The following MALRD1 variants were observed in gnomAD, a reference collection of about 807,000 sequenced individuals.
The protein encoded by MALRD1 is MAM and LDL receptor class A domain containing 1.
Under a neutral mutation model 242.1 loss-of-function variants are expected in MALRD1, and 247 were observed. That is an observed-to-expected ratio of 1.02 (90% CI 0.92 to 1.13). The LOEUF (loss-of-function observed/expected upper bound fraction) is 1.13. MALRD1 is among the 50% of genes most tolerant of loss of function. The pLI, the probability that MALRD1 is intolerant of heterozygous loss-of-function variation, is 0.00. For missense variants in MALRD1, 2,989 were observed against 2,533.1 expected (o/e 1.18, Z -3.86); for synonymous variants, 995 against 866.6 (o/e 1.15, Z -2.60).
intron 5 of MALRD1, among the ~76,000 whole-genome samples, chr10:19,105,093 T>C (rs921236115): frequency 6.6e-6 from 1 of 152,052 alleles, no homozygotes; most frequent in African/African-American, 2.4e-5. Flanking sequence ...TACTGTGTAA[T>C]AGAAAACCAG....
chr10:19,140,071 T>A (rs1255174974), intron 10 of MALRD1, among the ~76,000 whole-genome samples: 1 of 152,240 alleles, frequency 6.6e-6, no homozygotes, highest in Non-Finnish European at 1.5e-5. Flanking sequence ...ATTTGTAATG[T>A]ATATTAACAC....
chr10:19,514,185 A>T (rs1833529461), intron 31 of MALRD1, among the ~76,000 whole-genome samples: 1 of 152,204 alleles, frequency 6.6e-6, no homozygotes, highest in African/African-American at 2.4e-5. Context: ...TGGCAAGAAA[A>T]TTTTGTTTTT....
At chr10:19,613,012 G>A (rs562637061) in intron 35 of MALRD1, among the ~76,000 whole-genome samples, 123 of 151,982 alleles carry the variant, frequency 8.1e-4, no homozygotes, top group African/African-American at 2.8e-3. Flanking sequence ...ACTTCAATAC[G>A]TATTGCTTAC....
chr10:19,370,480 G>A (rs565280649), intron 26 of MALRD1, among the ~76,000 whole-genome samples: 9 of 152,018 alleles, frequency 5.9e-5, no homozygotes, highest in African/African-American at 1.2e-4. Context: ...TAATGTTATC[G>A]TTAAGTCATA....
At chr10:19,670,254 G>A (rs998116324) in intron 36 of MALRD1, among the ~76,000 whole-genome samples, 8 of 151,940 alleles carry the variant, frequency 5.3e-5, no homozygotes, top group Admixed American at 2.0e-4. Flanking sequence ...ACATTTCTGC[G>A]AATTATTTAC....
chr10:19,716,645 AT>A (rs1310948424), intron 38 of MALRD1, among the ~76,000 whole-genome samples: 6 of 152,214 alleles, frequency 3.9e-5, no homozygotes, highest in Admixed American at 6.5e-5. Context: ...TTTTGAGATA[AT>A]TATTGATACT....
intron 32 of MALRD1, among the ~76,000 whole-genome samples, chr10:19,534,877 G>C (rs973963444): frequency 6.6e-5 from 10 of 151,640 alleles, no homozygotes; most frequent in Non-Finnish European, 1.5e-4. Flanking sequence ...AGTTTTTGTT[G>C]TTGTTGTTGT....
chr10:19,322,105 A>C (rs781704744), intron 21 of MALRD1, among the ~76,000 whole-genome samples: 2 of 152,112 alleles, frequency 1.3e-5, no homozygotes, highest in Non-Finnish European at 2.9e-5. Context: ...ATGAAGTATA[A>C]AATTATAATA....
intron 17 of MALRD1, 68 bp from the exon 18 acceptor site, chr10:19,209,200 A>C (rs1323456837): frequency 9.9e-6 from 13 of 1,315,352 alleles, no homozygotes; most frequent in Non-Finnish European, 1.2e-5. Flanking sequence ...AAATATTAAT[A>C]AATAGAATGT....
At chr10:19,390,158 A>G (rs141586633) in intron 28 of MALRD1, among the ~76,000 whole-genome samples, 2 of 152,316 alleles carry the variant, frequency 1.3e-5, no homozygotes, top group African/African-American at 4.8e-5. Flanking sequence ...AATAGTAATT[A>G]ATCTAGGACA....
chr10:19,479,880 T>C (rs1208861387), intron 29 of MALRD1, among the ~76,000 whole-genome samples: 1 of 152,104 alleles, frequency 6.6e-6, no homozygotes, highest in Non-Finnish European at 1.5e-5. Flanking sequence ...TGGGGGAAAG[T>C]GTGGGGAAGT....
chr10:19,718,400 C>G (rs1235021658), intron 38 of MALRD1, among the ~76,000 whole-genome samples: 1 of 152,194 alleles, frequency 6.6e-6, no homozygotes, highest in African/African-American at 2.4e-5. Flanking sequence ...AAAGCAGGAG[C>G]AAGCACATCA....
At chr10:19,302,080 G>T (rs1841975477) in intron 21 of MALRD1, among the ~76,000 whole-genome samples, 1 of 151,790 alleles carries the variant, frequency 6.6e-6, no homozygotes, top group South Asian at 2.1e-4. Flanking sequence ...ACATCCACTA[G>T]GATGGCAATA....
chr10:19,698,335 A>G (rs1462932249), intron 38 of MALRD1, among the ~76,000 whole-genome samples: 1 of 152,116 alleles, frequency 6.6e-6, no homozygotes, highest in Non-Finnish European at 1.5e-5. Context: ...AAGTGGCTAC[A>G]CCCCTCAAAT....
At chr10:19,135,262 C>T (rs1166960181) in intron 9 of MALRD1, among the ~76,000 whole-genome samples, 1 of 152,136 alleles carries the variant, frequency 6.6e-6, no homozygotes, top group East Asian at 1.9e-4. Context: ...TCAAGCAATT[C>T]TCTTGCGTTA....
At chr10:19,433,109 A>T (rs1253140564) in intron 28 of MALRD1, among the ~76,000 whole-genome samples, 1 of 152,152 alleles carries the variant, frequency 6.6e-6, no homozygotes, top group African/African-American at 2.4e-5. Context: ...TCATTATATT[A>T]TTTTTATCTA....
intron 14 of MALRD1, among the ~76,000 whole-genome samples, chr10:19,193,763 T>C (rs1836102027): frequency 6.6e-6 from 1 of 152,066 alleles, no homozygotes; most frequent in African/African-American, 2.4e-5. Context: ...ATATTCATAT[T>C]TTGGCTCTTT....
chr10:19,295,693 C>T (rs888987229), intron 21 of MALRD1, among the ~76,000 whole-genome samples: 1 of 152,086 alleles, frequency 6.6e-6, no homozygotes, highest in Non-Finnish European at 1.5e-5. Context: ...TCATGTGTCT[C>T]CTAGACCTCA....
intron 19 of MALRD1, among the ~76,000 whole-genome samples, chr10:19,263,503 T>G (rs1412406428): frequency 6.6e-6 from 1 of 152,024 alleles, no homozygotes; most frequent in African/African-American, 2.4e-5. Context: ...TTTTTTTTTG[T>G]TTTGTTTGTT....
Sources: gnomAD v4.1 joint callset for allele counts (sites outside exome capture counted in the v4.1 genomes callset) on GRCh38, gnomAD v4.1.1 for gene constraint, MANE v1.5 for transcripts, NCBI Gene and HGNC (gene_info 2026-07-23, HGNC 2026-07-21) for gene names.